The following ARHGAP42 variants were observed in gnomAD, a reference collection of about 807,000 sequenced individuals.
ARHGAP42 encodes rho GTPase-activating protein 42.
Under a neutral mutation model 125.0 loss-of-function variants are expected in ARHGAP42, and 63 were observed. The ratio of observed to expected loss-of-function variants is 0.50; its 90% CI spans 0.41 to 0.62. The LOEUF (loss-of-function observed/expected upper bound fraction) is 0.62. Ranked by LOEUF, ARHGAP42 falls within the 20% of genes least tolerant of loss-of-function variation. The probability of loss-of-function intolerance (pLI) is 0.00; values close to 1 mark genes in which losing one functional copy is unlikely to be tolerated. For missense variants in ARHGAP42, 766 were observed against 1,024.2 expected, an observed-to-expected ratio of 0.75 and a Z score of 3.44; for synonymous variants, 339 against 351.0, an observed-to-expected ratio of 0.97 and a Z score of 0.38.
intron 3 of ARHGAP42, among the ~76,000 whole-genome samples, chr11:100,853,502 C>T (rs1865253643): frequency 1.3e-5 from 2 of 152,190 alleles, no homozygotes; most frequent in South Asian, 4.1e-4. Context: ...AAGAAGGATA[C>T]AATAAATAAC....
At position 100,990,586 on chromosome 11, in the gene ARHGAP42, ATC is replaced by A. The variant is rs1858807811; in HGVS notation, c.*1789_*1790del. ...TGATAAAAGAGTATCTTTTTCTTTT[ATC>A]TCTTACTGTTGACCTCTGTGCACTG... On this transcript the variant is annotated 3_prime_UTR_variant, in exon 24 of 24. Coordinates refer to ENST00000298815, the MANE Select transcript of ARHGAP42 (RefSeq NM_152432.4). The A allele has an allele frequency of 6.6e-6, 1 of 152,414 alleles. No individual in the cohort carries two copies. Among genetic ancestry groups the A allele is most frequent in the Non-Finnish European group, 1.5e-5 (1 of 68,020 alleles). 9.4% of individuals were successfully genotyped at this position (152,414 alleles called of 1,614,324 possible). A position where few individuals can be genotyped will look rare whatever the true frequency, so the allele number is the denominator to read the frequency against.
intron 4 of ARHGAP42, among the ~76,000 whole-genome samples, chr11:100,908,458 A>AT (rs1223124650): frequency 1.3e-5 from 2 of 152,198 alleles, no homozygotes; most frequent in Non-Finnish European, 2.9e-5. Flanking sequence ...ATGTGTACCC[A>AT]TTTTTTAGCT....
At chr11:100,895,630 G>A (rs535263987) in intron 4 of ARHGAP42, among the ~76,000 whole-genome samples, 2 of 151,870 alleles carry the variant, frequency 1.3e-5, no homozygotes, top group African/African-American at 4.8e-5. Context: ...GAAGGAGAAG[G>A]AGTGCCAGGT....
intron 9 of ARHGAP42, among the ~76,000 whole-genome samples, chr11:100,942,144 T>C (rs1482130431): frequency 2.0e-5 from 3 of 152,148 alleles, no homozygotes; most frequent in Non-Finnish European, 4.4e-5. Context: ...AGAGGTGTCA[T>C]CTCACATTTC....
chr11:100,730,277 GT>G (rs999772895), intron 1 of ARHGAP42, among the ~76,000 whole-genome samples: 3 of 151,920 alleles, frequency 2.0e-5, no homozygotes, highest in African/African-American at 7.3e-5. Context: ...CTGCATCATG[GT>G]TTTTTATCTT....
chr11:100,728,713 CGTAT>C (rs1173022639), intron 1 of ARHGAP42, among the ~76,000 whole-genome samples: 7,716 of 94,818 alleles, frequency 0.081, 679 homozygotes, highest in East Asian at 0.12. Context: ...AATGACTTTG[CGTAT>C]ATATATATAT....
intron 1 of ARHGAP42, among the ~76,000 whole-genome samples, chr11:100,710,823 G>A (rs1861553805): frequency 6.6e-6 from 1 of 152,142 alleles, no homozygotes; most frequent in Non-Finnish European, 1.5e-5. Context: ...ACAGGCTTGA[G>A]CCACTGTGTG....
intron 4 of ARHGAP42, among the ~76,000 whole-genome samples, chr11:100,899,649 G>C (rs564382676): frequency 9.3e-5 from 14 of 150,444 alleles, no homozygotes; most frequent in African/African-American, 3.2e-4. Flanking sequence ...TTTTATCAGA[G>C]ACTAGGATTG....
At chr11:100,692,651 A>G (rs1861210817) in intron 1 of ARHGAP42, among the ~76,000 whole-genome samples, 1 of 152,174 alleles carries the variant, frequency 6.6e-6, no homozygotes, top group African/African-American at 2.4e-5. Context: ...CATGACCCAA[A>G]TGAAGATGGC....
chr11:100,691,765 C>T (rs1861195831), intron 1 of ARHGAP42, among the ~76,000 whole-genome samples: 1 of 152,292 alleles, frequency 6.6e-6, no homozygotes, highest in South Asian at 2.1e-4. Flanking sequence ...TTCAAGCGAT[C>T]TGCCTGCCTC....
intron 1 of ARHGAP42, among the ~76,000 whole-genome samples, chr11:100,759,498 G>A (rs1328806421): frequency 6.6e-6 from 1 of 152,102 alleles, no homozygotes; most frequent in Non-Finnish European, 1.5e-5. Context: ...TGCAGTAAAG[G>A]CTGGAGGGGT....
intron 4 of ARHGAP42, among the ~76,000 whole-genome samples, chr11:100,902,048 C>T (rs1390918861): frequency 3.9e-5 from 6 of 152,206 alleles, no homozygotes; most frequent in Non-Finnish European, 8.8e-5. Flanking sequence ...GGAACAGACC[C>T]TCTTTTTTCT....
chr11:100,895,769 G>T (rs1052112453), intron 4 of ARHGAP42, among the ~76,000 whole-genome samples: 2 of 152,096 alleles, frequency 1.3e-5, no homozygotes, highest in African/African-American at 4.8e-5. Flanking sequence ...CTTAGCAGCC[G>T]TGTGCCTATT....
At chr11:100,799,506 C>T (rs114122957) in intron 3 of ARHGAP42, among the ~76,000 whole-genome samples, 79 of 152,250 alleles carry the variant, frequency 5.2e-4, no homozygotes, top group African/African-American at 1.8e-3. Context: ...AGTCTAACTT[C>T]CACAGGGAGA....
chr11:100,932,563 C>T (rs1867616750), intron 6 of ARHGAP42, among the ~76,000 whole-genome samples: 1 of 152,142 alleles, frequency 6.6e-6, no homozygotes, highest in Non-Finnish European at 1.5e-5. Flanking sequence ...GTAAAGATTT[C>T]ACTTTCTCTG....
At chr11:100,749,919 T>C (rs1862405639) in intron 1 of ARHGAP42, among the ~76,000 whole-genome samples, 1 of 152,190 alleles carries the variant, frequency 6.6e-6, no homozygotes, top group South Asian at 2.1e-4. Flanking sequence ...GTCGCCATAG[T>C]ATGTGAGGAT....
Position 100,695,375 on chromosome 11 carries a change from C to G in ARHGAP42, c.154+7543C>G, listed in dbSNP as rs560855014. 3.9e-5 allele frequency among the ~76,000 whole-genome samples: 6 copies of G among 152,270 alleles called. No individual in the cohort carries two copies. In the South Asian group the frequency reaches 1.2e-3, roughly 32 times the overall value. On this transcript the variant is annotated intron_variant, in intron 1 of 23. Coordinates refer to ENST00000298815, the MANE Select transcript of ARHGAP42 (RefSeq NM_152432.4). ...TTGGAATGCAATCGCACGATCTCAG[C>G]TCACCGCAACCTCCACCTCCCGGAT...
intron 1 of ARHGAP42, among the ~76,000 whole-genome samples, chr11:100,745,889 C>T (rs1862292664): frequency 6.6e-6 from 1 of 152,184 alleles, no homozygotes; most frequent in Non-Finnish European, 1.5e-5. Context: ...AATATTGACT[C>T]AAATCCTTCA....
intron 3 of ARHGAP42, among the ~76,000 whole-genome samples, chr11:100,795,538 A>T (rs775238211): frequency 6.6e-6 from 1 of 152,214 alleles, no homozygotes; most frequent in Non-Finnish European, 1.5e-5. Context: ...GAGACAATTC[A>T]TGGAAGGAGG....
Sources: gnomAD v4.1 joint callset for allele counts (sites outside exome capture counted in the v4.1 genomes callset) on GRCh38, gnomAD v4.1.1 for gene constraint, MANE v1.5 for transcripts, NCBI Gene and HGNC (gene_info 2026-07-23, HGNC 2026-07-21) for gene names.